The following COG3 variants were observed in gnomAD, a reference collection of about 807,000 sequenced individuals.
The protein encoded by COG3 is conserved oligomeric Golgi complex subunit 3.
COG3 carries 32 observed loss-of-function variants against 114.1 expected under a neutral mutation model. That is an observed-to-expected ratio of 0.28 (90% CI 0.21 to 0.38). The LOEUF is 0.38. COG3 is among the 10% of genes least tolerant of loss of function. The pLI is 1.00. For missense variants in COG3, 813 were observed against 973.2 expected (o/e 0.84, Z 2.19); for synonymous variants, 352 against 365.7 (o/e 0.96, Z 0.43).
intron 2 of COG3, among the ~76,000 whole-genome samples, 163 bp from the exon 3 acceptor site, chr13:45,478,842 A>G (rs1886076224): frequency 1.3e-5 from 2 of 152,330 alleles, no homozygotes; most frequent in South Asian, 2.1e-4. Context: ...GGTATTGTGG[A>G]TATAATTAAA....
chr13:45,475,811 C>T (rs983437317), intron 1 of COG3, among the ~76,000 whole-genome samples: 1 of 151,864 alleles, frequency 6.6e-6, no homozygotes, highest in East Asian at 1.9e-4. Flanking sequence ...ACCAAAAATA[C>T]AAAAATTAGC....
rs1346894520 is a variant in COG3, at chr13:45,480,436, A to T, written c.549+146A>T. The T allele has an allele frequency of 7.0e-6, 4 of 572,184 alleles. No homozygotes were observed. In the East Asian group the frequency reaches 8.7e-5, roughly 12 times the overall value. The allele number at this position is 572,184 out of a possible 1,614,324, so 35.4% of individuals were successfully genotyped here. ...CTGTGCTCAGCATGCAGATTGTTAC[A>T]CTGACAGCCTACTTTTTAAGTGCAT... is the stretch of plus-strand genomic sequence containing the variant. On this transcript the variant is annotated intron_variant, in intron 4 of 22. Transcript: ENST00000349995.
intron 7 of COG3, 38 bp from the exon 8 acceptor site, chr13:45,486,457 A>T (rs1886676405): frequency 7.8e-7 from 1 of 1,285,594 alleles, no homozygotes; most frequent in Non-Finnish European, 1.1e-6. Context: ...TTGTTTGCTA[A>T]TTATCTTCCT....
At chr13:45,524,586 T>C (rs1273578857) in intron 19 of COG3, among the ~76,000 whole-genome samples, 1 of 152,246 alleles carries the variant, frequency 6.6e-6, no homozygotes, top group Non-Finnish European at 1.5e-5. Context: ...GGTGACATTT[T>C]TCTAATTACA....
At chr13:45,515,711 C>A (rs1376545073) in intron 16 of COG3, among the ~76,000 whole-genome samples, 1 of 152,130 alleles carries the variant, frequency 6.6e-6, no homozygotes, top group East Asian at 1.9e-4. Context: ...ATATTGAAAC[C>A]ACTTTGACCA....
intron 2 of COG3, 149 bp downstream of exon 2, chr13:45,476,496 G>A (rs1833554533): frequency 2.6e-6 from 2 of 764,468 alleles, no homozygotes; most frequent in Non-Finnish European, 4.1e-6. Flanking sequence ...CATTAGTTGT[G>A]GCTGTTTACG....
chr13:45,472,971 G>A (rs1885616988), intron 1 of COG3, among the ~76,000 whole-genome samples: 2 of 152,298 alleles, frequency 1.3e-5, no homozygotes, highest in Admixed American at 1.3e-4. Context: ...CTGGGTTCAT[G>A]CCATTCTCCT....
rs1425045008 is a variant in COG3 at position 45,534,736 on chromosome 13, G to A, written c.*5G>A. 1 of 1,559,344 alleles carries A rather than the reference G, an allele frequency of 6.4e-7. No individual in the cohort carries two copies. ...CTGCTGTTGGTTTCTAAATAAGCAG[G>A]CCAGCCGGGCTGTGCACCTAAATGT... On this transcript the variant is annotated 3_prime_UTR_variant, in exon 23 of 23. Coordinates refer to ENST00000349995, the MANE Select transcript of COG3 (RefSeq NM_031431.4).
chr13:45,510,148 AGATG>A (rs3841708), intron 15 of COG3, among the ~76,000 whole-genome samples: 21,871 of 152,072 alleles, frequency 0.14, 2,482 homozygotes, highest in African/African-American at 0.31. Flanking sequence ...TGAATTGTCT[AGATG>A]CCACTATTTC....
In COG3 at chr13:45,535,397, A is replaced by T. The variant is rs1486190912; in HGVS notation, c.*666A>T. 5.1e-6 allele frequency: 5 copies of T among 985,326 alleles called. No individual in the cohort carries two copies. In the African/African-American group the frequency reaches 8.7e-5, roughly 17 times the overall value. 61.0% of individuals were successfully genotyped at this position (985,326 alleles called of 1,614,324 possible). A position where few individuals can be genotyped will look rare whatever the true frequency, so the allele number is the denominator to read the frequency against. On this transcript the variant is annotated 3_prime_UTR_variant, in exon 23 of 23. Transcript: ENST00000349995. Reference sequence around the variant, plus strand: ...AATTGCTTAGGTGCAGACAGTTCTAAAGCAAGGAGCTGCAGCATTCTCATC... The same window carrying T: ...AATTGCTTAGGTGCAGACAGTTCTATAGCAAGGAGCTGCAGCATTCTCATC...
chr13:45,471,454 C>G (rs1885477062), intron 1 of COG3, among the ~76,000 whole-genome samples: 1 of 152,054 alleles, frequency 6.6e-6, no homozygotes, highest in Admixed American at 6.6e-5. Flanking sequence ...TCCATTTCTT[C>G]CTTTCCCTGT....
chr13:45,474,919 A>G (rs984417701), intron 1 of COG3, among the ~76,000 whole-genome samples: 4 of 147,030 alleles, frequency 2.7e-5, no homozygotes, highest in African/African-American at 2.5e-5. Flanking sequence ...CCCAGCATCT[A>G]CTTTCCCTTT....
intron 22 of COG3, 99 bp from the exon 23 acceptor site, chr13:45,534,603 T>C: frequency 1.3e-6 from 1 of 745,090 alleles, no homozygotes. Flanking sequence ...TGCATGATGC[T>C]GAGGTTTTTC....
At chr13:45,492,060 T>G (rs544247473) in intron 10 of COG3, 99 bp from the exon 11 acceptor site, 1 of 686,894 alleles carries the variant, frequency 1.5e-6, no homozygotes, top group African/African-American at 1.9e-5. Flanking sequence ...TAAGAGTGTG[T>G]ATGTGTTATC....
intron 12 of COG3, 58 bp downstream of exon 12, chr13:45,493,544 A>G: frequency 6.7e-7 from 1 of 1,494,554 alleles, no homozygotes; most frequent in Non-Finnish European, 9.1e-7. Flanking sequence ...AATTTGAAAA[A>G]AAAATAAGTG....
intron 14 of COG3, among the ~76,000 whole-genome samples, chr13:45,506,119 T>G (rs989695212): frequency 2.0e-5 from 3 of 152,176 alleles, no homozygotes; most frequent in Non-Finnish European, 4.4e-5. Context: ...TGATTTACAT[T>G]ATATTTCCAT....
rs568033395 is a variant in COG3 at position 45,526,505 on chromosome 13, AG to A, written c.2230+1456del. ...GTAGAGAATGTCAGTTGTCTTTGAA[AG>A]GAAGATAGGATTTTATTTCAAAGGT... On this transcript the variant is annotated intron_variant, in intron 20 of 22. Transcript: ENST00000349995. 1.5e-3 allele frequency among the ~76,000 whole-genome samples: 221 copies of A among 152,292 alleles called. 2 individuals carry two copies. Among genetic ancestry groups the A allele is most frequent in the African/African-American group, 4.5e-3 (187 of 41,562 alleles).
rs748469691 is a variant in COG3, at chr13:45,519,067, A to G, written c.2127A>G (p.Val709=). Residue 709 remains valine, a synonymous_variant, in exon 19 of 23, where the codon GTA becomes GTG. Transcript: ENST00000349995. The stretch of plus-strand genomic sequence containing the variant: ...TTCAGCAGCAGACCAAGCTGTTTGT[A>G]GAACAGCTGGAGGAGTTCATGACAA... ...QFIQQQTKLF[V]EQLEEFMTKV... 1.2e-6 allele frequency: 2 copies of G among 1,614,190 alleles called. No homozygotes were observed. Among genetic ancestry groups the G allele is most frequent in the Non-Finnish European group, 1.7e-6 (2 of 1,179,994 alleles).
intron 13 of COG3, among the ~76,000 whole-genome samples, chr13:45,497,204 A>G (rs985155536): frequency 1.3e-5 from 2 of 152,214 alleles, no homozygotes; most frequent in African/African-American, 2.4e-5. Flanking sequence ...ACAAGTGTCC[A>G]GTTTATGGTT....
Sources: gnomAD v4.1 joint callset for allele counts (sites outside exome capture counted in the v4.1 genomes callset) on GRCh38, gnomAD v4.1.1 for gene constraint, MANE v1.5 for transcripts, NCBI Gene and HGNC (gene_info 2026-07-23, HGNC 2026-07-21) for gene names.